Variants in LAMA4 observed in about 807,000 individuals in gnomAD.
The protein encoded by LAMA4 is laminin subunit alpha-4.
A neutral mutation model predicts 207.1 loss-of-function variants in LAMA4; 127 were observed. That is an observed-to-expected ratio of 0.61 (90% CI 0.53 to 0.71). The LOEUF (loss-of-function observed/expected upper bound fraction) is 0.71. Among genes scored for constraint, LAMA4 ranks in the 30% least tolerant of loss-of-function variants. LAMA4 has a pLI of 0.00. For synonymous variants in LAMA4, 761 were observed against 816.0 expected (o/e 0.93, Z 1.15); for missense variants, 2,093 against 2,246.5 (o/e 0.93, Z 1.38).
At position 112,119,382 on chromosome 6, in the gene LAMA4, T is replaced by C. The variant is rs1011736770; in HGVS notation, c.4666-71A>G. Reference sequence around the variant, plus strand: ...ATTGCAGAAAAGGCTGTGTTTCCTCTTCTTCCAACTTTGCTATTGCAATGC... The same window carrying C: ...ATTGCAGAAAAGGCTGTGTTTCCTCCTCTTCCAACTTTGCTATTGCAATGC... On this transcript the variant is annotated intron_variant, in intron 33 of 38. Transcript: ENST00000230538. 7.3e-5 allele frequency: 112 copies of C among 1,524,340 alleles called. 3 individuals carry two copies. The South Asian group carries it at 1.2e-3, about 17-fold the overall frequency. The allele number at this position is 1,524,340 out of a possible 1,614,324, so 94.4% of individuals were successfully genotyped here.
At chr6:112,148,988 T>G (rs1780204686) in intron 17 of LAMA4, among the ~76,000 whole-genome samples, 1 of 149,776 alleles carries the variant, frequency 6.7e-6, no homozygotes, top group Non-Finnish European at 1.5e-5. Flanking sequence ...ATTTGGTTAT[T>G]GGATTGGTTA....
Position 112,154,839 on chromosome 6 carries a change from G to A in LAMA4, c.2056+12C>T, listed in dbSNP as rs397516722. On this transcript the variant is annotated intron_variant, in intron 16 of 38. Coordinates refer to ENST00000230538, the MANE Select transcript of LAMA4 (RefSeq NM_001105206.3). ...TAAATTAGAAAGGAGATAGGAAAGTGAAGATATTTACTAGACTCTGCCTTT... is the reference window on the plus strand; with the variant it reads ...TAAATTAGAAAGGAGATAGGAAAGTAAAGATATTTACTAGACTCTGCCTTT... 7.6e-5 allele frequency: 116 copies of A among 1,520,388 alleles called. No homozygotes were observed. The highest frequency in any genetic ancestry group is 5.3e-4 in the South Asian group (47 of 89,210). 94.2% of individuals were successfully genotyped at this position (1,520,388 alleles called of 1,614,324 possible). A position where few individuals can be genotyped will look rare whatever the true frequency, so the allele number is the denominator to read the frequency against.
At chr6:112,129,220 T>TAAGG in intron 30 of LAMA4, 145 bp from the exon 31 acceptor site, 3 of 678,180 alleles carry the variant, frequency 4.4e-6, no homozygotes, top group Non-Finnish European at 7.6e-6. Flanking sequence ...GATGGGTCCT[T>TAAGG]ACCCATCAAC....
intron 3 of LAMA4, among the ~76,000 whole-genome samples, chr6:112,210,253 C>T (rs530304008): frequency 6.6e-6 from 1 of 150,518 alleles, no homozygotes; most frequent in Non-Finnish European, 1.5e-5. Context: ...AGTTTATTGG[C>T]AAAGCATAGG....
At chr6:112,181,414 C>A (rs1032696951) in intron 9 of LAMA4, among the ~76,000 whole-genome samples, 1 of 152,178 alleles carries the variant, frequency 6.6e-6, no homozygotes, top group Non-Finnish European at 1.5e-5. Flanking sequence ...CACAATTGGG[C>A]CTCTGACAGC....
rs1562626409 is a variant in LAMA4, at chr6:112,117,876, C to T, written c.4844G>A (p.Ser1615Asn). ...GAGCTGGAGATTGCTGAGACAGCCA[C>T]TAAAACTGTAGATGGAGTTAATCTG... ...NVQINSIYSF[S>N]GCLSNLQLNG... Residue 1615 changes from serine to asparagine, a missense_variant, in exon 35 of 39, where the codon AGT becomes AAT. Ser to Asn is a conservative substitution (Grantham distance 46, BLOSUM62 1). Coordinates refer to ENST00000230538, the MANE Select transcript of LAMA4 (RefSeq NM_001105206.3). This position sits in a 1 kb window ranked among gnomAD's most constrained non-coding sequence, Gnocchi z 4.5. The T allele has an allele frequency of 6.2e-7, 1 of 1,613,496 alleles. No individual in the cohort carries two copies. Among genetic ancestry groups the T allele is most frequent in the Non-Finnish European group, 8.5e-7 (1 of 1,179,584 alleles).
chr6:112,141,761 G>A (rs1405952942), intron 20 of LAMA4, among the ~76,000 whole-genome samples: 1 of 152,092 alleles, frequency 6.6e-6, no homozygotes, highest in Non-Finnish European at 1.5e-5. Context: ...AATTTTGTGA[G>A]GCTAACCCAG....
rs34753919 is a variant in LAMA4, at chr6:112,129,944, G to A, written c.4065C>T (p.Phe1355=). 2.3e-3 allele frequency: 3,692 copies of A among 1,612,690 alleles called. 56 individuals are homozygous for A. In the African/African-American group the frequency reaches 0.035, roughly 15 times the overall value. ...ACTGAGCACTGATTGGTGAGCCACC[G>A]AAGTAAAACTTCTTTTCACTTGCTT... ...QTQASEKKFY[F]GGSPISAQYA... The change falls in exon 30 of 39, where the codon TTC becomes TTT. Residue 1355 remains phenylalanine, a synonymous_variant. Transcript: ENST00000230538.
At chr6:112,175,563 A>G (rs782272100) in intron 10 of LAMA4, 83 bp from the exon 11 acceptor site, 1 of 1,360,240 alleles carries the variant, frequency 7.4e-7, no homozygotes, top group Non-Finnish European at 1.0e-6. Flanking sequence ...GGCTGTGGGC[A>G]AAGGGCAGGG....
At chr6:112,121,960 A>T in intron 32 of LAMA4, 54 bp downstream of exon 32, 3 of 1,509,168 alleles carry the variant, frequency 2.0e-6, no homozygotes, top group Non-Finnish European at 1.8e-6. Context: ...TGACAAACAA[A>T]GATGGAGCCC....
At chr6:112,186,237 G>A (rs1272061194) in intron 8 of LAMA4, among the ~76,000 whole-genome samples, 1 of 152,108 alleles carries the variant, frequency 6.6e-6, no homozygotes, top group East Asian at 1.9e-4. Context: ...TGAGATAGAG[G>A]CAATAATTAT....
rs1327248866 is a variant in LAMA4, at chr6:112,175,472, T to C, written c.1198A>G (p.Asn400Asp). Residue 400 changes from asparagine to aspartate, a missense_variant, in exon 11 of 39, where the codon AAC (asparagine) becomes GAC (aspartate). Coordinates refer to ENST00000230538, the MANE Select transcript of LAMA4 (RefSeq NM_001105206.3). ...TCTTCCCCATAATAGAGCATCTTGT[T>C]GTTGATCTCTGAAAGGAAGAACATG... ...DMRDKIQEIN[N>D]KMLYYGEEHE... 7 of 1,614,072 alleles carry C rather than the reference T, an allele frequency of 4.3e-6. No homozygotes were observed. Among genetic ancestry groups the C allele is most frequent in the Non-Finnish European group, 5.9e-6 (7 of 1,180,012 alleles).
intron 2 of LAMA4, among the ~76,000 whole-genome samples, chr6:112,222,636 C>T (rs1784985497): frequency 6.6e-6 from 1 of 152,212 alleles, no homozygotes; most frequent in East Asian, 1.9e-4. Context: ...CATCACATTT[C>T]TGTGGCTACT....
At chr6:112,173,394 T>C (rs1318740746) in intron 11 of LAMA4, among the ~76,000 whole-genome samples, 3 of 152,256 alleles carry the variant, frequency 2.0e-5, no homozygotes, top group Admixed American at 6.5e-5. Flanking sequence ...TTAATTTCTG[T>C]TTTCTTCAGG....
intron 2 of LAMA4, among the ~76,000 whole-genome samples, chr6:112,247,797 T>A (rs1338457777): frequency 6.6e-6 from 1 of 152,152 alleles, no homozygotes; most frequent in Non-Finnish European, 1.5e-5. Context: ...GCAATATTCA[T>A]AGCAGCATTA....
chr6:112,190,911 CTTT>C (rs1562714020), intron 6 of LAMA4, among the ~76,000 whole-genome samples: 16 of 94,790 alleles, frequency 1.7e-4, no homozygotes, highest in Middle Eastern at 5.0e-3. Flanking sequence ...TTCTTTCTTT[CTTT>C]CTTTCTTTCT....
intron 2 of LAMA4, among the ~76,000 whole-genome samples, chr6:112,241,122 T>C (rs1230191690): frequency 8.3e-6 from 1 of 120,988 alleles, no homozygotes; most frequent in African/African-American, 3.1e-5. Flanking sequence ...TATGAATATA[T>C]ATATGAATAT....
chr6:112,244,568 G>T (rs1020507890), intron 2 of LAMA4, among the ~76,000 whole-genome samples: 1 of 152,104 alleles, frequency 6.6e-6, no homozygotes, highest in Non-Finnish European at 1.5e-5. Context: ...CTGTCGGCTG[G>T]TTCTTGAGTT....
intron 9 of LAMA4, among the ~76,000 whole-genome samples, chr6:112,184,336 A>AC (rs1182409786): frequency 6.6e-6 from 1 of 152,012 alleles, no homozygotes; most frequent in Non-Finnish European, 1.5e-5. Context: ...AAAAAAAAAA[A>AC]AAACTGTGTT....
Sources: allele counts gnomAD v4.1 joint callset (sites outside exome capture counted in the v4.1 genomes callset), GRCh38; gene constraint gnomAD v4.1.1; non-coding constraint Gnocchi (gnomAD v3.1); transcripts MANE v1.5; gene names NCBI Gene and HGNC (gene_info 2026-07-23, HGNC 2026-07-21).